Variants in DMD observed in about 807,000 individuals in gnomAD.
DMD encodes the protein mutant dystrophin.
Under a neutral mutation model 330.1 loss-of-function variants are expected in DMD, and 63 were observed. The ratio of observed to expected loss-of-function variants is 0.19; its 90% CI spans 0.16 to 0.24. The LOEUF is 0.24. DMD is among the 10% of genes least tolerant of loss of function. The pLI, the probability that DMD is intolerant of heterozygous loss-of-function variation, is 1.00. For synonymous variants in DMD, 1,223 were observed against 959.8 expected, an observed-to-expected ratio of 1.27 and a Z score of -5.07; for missense variants, 3,344 against 2,684.1, an observed-to-expected ratio of 1.25 and a Z score of -5.43.
chrX:33,009,354 GTGTGTATA>G lies in DMD; in HGVS notation c.93+10777_93+10784del, dbSNP rs1157385997. On this transcript the variant is annotated intron_variant, in intron 2 of 78. Transcript: ENST00000357033. ...TGTATATACACGTGTATATACACAT[GTGTGTATA>G]TGTGTATATGTGTATATACACGTGT... Among the ~76,000 whole-genome samples, 12 of 58,524 alleles carry G rather than the reference GTGTGTATA, an allele frequency of 2.1e-4. 1 individual carries two copies. Among genetic ancestry groups the G allele is most frequent in the African/African-American group, 5.8e-4 (8 of 13,787 alleles). The allele number at this position is 58,524 out of a possible 115,157, so 50.8% of individuals were successfully genotyped here.
Position 31,120,637 on chromosome X carries a change from C to T in DMD, c.*1282G>A, listed in dbSNP as rs752873899. 8.9e-6 allele frequency: 1 copy of T among 111,923 alleles called. No individual in the cohort carries two copies. The highest frequency in any genetic ancestry group is 3.2e-5 in the African/African-American group (1 of 30,848). The allele number at this position is 111,923 out of a possible 1,213,427, so 9.2% of individuals were successfully genotyped here. A position where few individuals can be genotyped will look rare whatever the true frequency, so the allele number is the denominator to read the frequency against. On this transcript the variant is annotated 3_prime_UTR_variant, in exon 79 of 79. Transcript: ENST00000357033. ...ATAATTTAGTTGTAATTACAGAGAACTTTATGTATTATGAACAATCATCCA... is the reference window on the plus strand; with the variant it reads ...ATAATTTAGTTGTAATTACAGAGAATTTTATGTATTATGAACAATCATCCA...
intron 1 of DMD, among the ~76,000 whole-genome samples, chrX:33,043,669 A>G (rs1269372566): frequency 8.9e-6 from 1 of 112,143 alleles, no homozygotes; most frequent in Non-Finnish European, 1.9e-5. Flanking sequence ...CTTTTAGATT[A>G]TAAAAACAAT....
chrX:31,995,468 C>G (rs1426119119), intron 44 of DMD, among the ~76,000 whole-genome samples: 1 of 111,723 alleles, frequency 9.0e-6, no homozygotes, highest in African/African-American at 3.2e-5. Flanking sequence ...AAATGCAAAC[C>G]AAAATTGAAA....
intron 47 of DMD, among the ~76,000 whole-genome samples, chrX:31,896,893 T>C (rs1176693924): frequency 1.8e-5 from 2 of 111,627 alleles, no homozygotes; most frequent in Admixed American, 9.5e-5. Flanking sequence ...TAGAACAACA[T>C]TTTACAATTT....
At position 32,454,646 on chromosome X, in the gene DMD, CT is replaced by C. The variant is rs5902031; in HGVS notation, c.3603+15del. ...ATTTCCTTTGTTTTACTTAGTTTTT[CT>C]TTTTTTTTTTTTACCTTCATCTCTT... On this transcript the variant is annotated intron_variant, in intron 26 of 78. Transcript: ENST00000357033. 34,009 of 889,388 alleles carry C rather than the reference CT, an allele frequency of 0.038. No homozygotes were observed. The highest frequency in any genetic ancestry group is 0.061 in the African/African-American group (2,662 of 43,826). The allele number at this position is 889,388 out of a possible 1,213,427, so 73.3% of individuals were successfully genotyped here. A position where few individuals can be genotyped will look rare whatever the true frequency, so the allele number is the denominator to read the frequency against.
intron 7 of DMD, among the ~76,000 whole-genome samples, chrX:32,807,243 GAC>G (rs1427217283): frequency 5.1e-5 from 5 of 98,220 alleles, no homozygotes; most frequent in Non-Finnish European, 6.1e-5. Flanking sequence ...GAATCAAATA[GAC>G]ACAATAAAAA....
intron 9 of DMD, among the ~76,000 whole-genome samples, chrX:32,652,379 A>G (rs2060224005): frequency 9.9e-6 from 1 of 101,419 alleles, no homozygotes; most frequent in Non-Finnish European, 2.0e-5. Context: ...GAGTGAGAAC[A>G]TGTGGTATTT....
rs187380191 is a variant in DMD at position 32,250,696 on chromosome X, T to C, written c.6291-33633A>G. On this transcript the variant is annotated intron_variant, in intron 43 of 78. Transcript: ENST00000357033. ...GCCACTTCCAATGAGTTTTCAGCAC[T>C]GATGAACACTATCACTGCTGTCTTA... is the stretch of plus-strand genomic sequence containing the variant. 9.1e-3 allele frequency among the ~76,000 whole-genome samples: 1,016 copies of C among 112,052 alleles called. 3 individuals carry two copies. The highest frequency in any genetic ancestry group is 0.015 in the Non-Finnish European group (789 of 53,200).
intron 2 of DMD, among the ~76,000 whole-genome samples, chrX:32,982,731 C>G (rs998838462): frequency 8.9e-6 from 1 of 111,888 alleles, no homozygotes; most frequent in South Asian, 3.7e-4. Flanking sequence ...GACCCACAAC[C>G]AGCAGTCGAA....
chrX:32,273,186 G>C (rs2097371620), intron 43 of DMD, among the ~76,000 whole-genome samples: 1 of 110,398 alleles, frequency 9.1e-6, no homozygotes, highest in African/African-American at 3.3e-5. Flanking sequence ...GATGCGGGCT[G>C]AATCAGAGTT....
chrX:32,741,023 G>A (rs766202567), intron 7 of DMD, among the ~76,000 whole-genome samples: 7 of 111,573 alleles, frequency 6.3e-5, no homozygotes, highest in Non-Finnish European at 1.1e-4. Context: ...GTGTGTGTAC[G>A]TTTGTTTAAA....
chrX:33,074,693 T>G (rs778174532), intron 1 of DMD, among the ~76,000 whole-genome samples: 3 of 111,359 alleles, frequency 2.7e-5, no homozygotes, highest in Non-Finnish European at 5.6e-5. Context: ...CCTCCTGCCA[T>G]GTGATGCCCC....
chrX:31,453,178 T>A (rs1220995650), intron 59 of DMD, among the ~76,000 whole-genome samples: 1 of 111,180 alleles, frequency 9.0e-6, no homozygotes, highest in South Asian at 3.8e-4. Flanking sequence ...CCTTTTGAGA[T>A]GGAGTCTCGC....
chrX:33,143,835 C>T (rs2047908841), intron 1 of DMD, among the ~76,000 whole-genome samples: 1 of 111,011 alleles, frequency 9.0e-6, no homozygotes, highest in South Asian at 3.7e-4. Context: ...AGAATAAGAA[C>T]AGAGGAAATC....
chrX:32,863,982 A>C (rs2082289076), intron 2 of DMD, among the ~76,000 whole-genome samples: 1 of 112,499 alleles, frequency 8.9e-6, no homozygotes, highest in African/African-American at 3.2e-5. Flanking sequence ...AGGATACAAT[A>C]TTTAAAGAAG....
chrX:33,066,376 G>C (rs1339716212), intron 1 of DMD, among the ~76,000 whole-genome samples: 2 of 102,401 alleles, frequency 2.0e-5, no homozygotes, highest in African/African-American at 7.2e-5. Context: ...TTGAACCTGG[G>C]AGGCAGAGGT....
intron 74 of DMD, among the ~76,000 whole-genome samples, chrX:31,161,054 T>C (rs1228835980): frequency 9.0e-6 from 1 of 111,458 alleles, no homozygotes; most frequent in Non-Finnish European, 1.9e-5. Flanking sequence ...CTCTCTTTCA[T>C]AGGGTTGTTT....
At chrX:33,088,894 G>A (rs1435225194) in intron 1 of DMD, among the ~76,000 whole-genome samples, 1 of 110,570 alleles carries the variant, frequency 9.0e-6, no homozygotes. Context: ...AAAGGTGAGT[G>A]TAACAGTGTT....
intron 55 of DMD, among the ~76,000 whole-genome samples, chrX:31,609,085 T>G (rs776128326): frequency 1.8e-5 from 2 of 112,294 alleles, no homozygotes; most frequent in African/African-American, 3.2e-5. Flanking sequence ...GTATTTTTAT[T>G]GTTATCAGTG....
Sources: gnomAD v4.1 joint callset for allele counts (sites outside exome capture counted in the v4.1 genomes callset) on GRCh38, gnomAD v4.1.1 for gene constraint, MANE v1.5 for transcripts, NCBI Gene and HGNC (gene_info 2026-07-23, HGNC 2026-07-21) for gene names.